MIER1: variants seen among roughly 807,000 people sequenced by gnomAD.
MIER1 encodes the protein MIER1 transcriptional regulator, also known as mesoderm induction early response protein 1.
MIER1 carries 40 observed loss-of-function variants against 75.7 expected under a neutral mutation model. The observed-to-expected ratio is 0.53, with a 90% confidence interval of 0.41 to 0.69. The LOEUF is 0.69. Among genes scored for constraint, MIER1 ranks in the 30% least tolerant of loss-of-function variants. The pLI, the probability that MIER1 is intolerant of heterozygous loss-of-function variation, is 0.00. For synonymous variants in MIER1, 213 were observed against 223.4 expected (o/e 0.95, Z 0.42); for missense variants, 574 against 680.2 (o/e 0.84, Z 1.74).
intron 3 of MIER1, among the ~76,000 whole-genome samples, chr1:66,940,497 ATATT>A (rs1570164298): frequency 6.6e-6 from 1 of 152,080 alleles, no homozygotes; most frequent in Admixed American, 6.5e-5. Flanking sequence ...CAACAAGTGA[ATATT>A]TAATGTAAAT....
chr1:66,986,808 G>T lies in MIER1; in HGVS notation c.*1908G>T. ...TTTATCCAGAATGGCAGTAGCTTTA[G>T]CAAGCAGATGGTCACAATCTGTTTT... On this transcript the variant is annotated 3_prime_UTR_variant, in exon 14 of 14. Coordinates refer to ENST00000401041, the MANE Select transcript of MIER1 (RefSeq NM_001077700.3). 5.1e-6 allele frequency: 1 copy of T among 194,520 alleles called. No individual in the cohort carries two copies. Among genetic ancestry groups the T allele is most frequent in the Non-Finnish European group, 1.0e-5 (1 of 95,914 alleles). The allele number at this position is 194,520 out of a possible 1,614,324, so 12.0% of individuals were successfully genotyped here.
At chr1:66,966,402 A>G (rs187802352) in intron 8 of MIER1, among the ~76,000 whole-genome samples, 2 of 152,292 alleles carry the variant, frequency 1.3e-5, no homozygotes, top group African/African-American at 4.8e-5. Context: ...TCCATGGTGT[A>G]TATGTGCCAC....
chr1:66,925,407 T>G, intron 1 of MIER1: 19 of 985,450 alleles, frequency 1.9e-5, no homozygotes, highest in Non-Finnish European at 2.3e-5. Context: ...CCCGTTCGCT[T>G]CGGTCCCTGA....
intron 4 of MIER1, among the ~76,000 whole-genome samples, chr1:66,956,484 T>C (rs910970181): frequency 1.6e-4 from 24 of 152,200 alleles, no homozygotes; most frequent in African/African-American, 5.1e-4. Context: ...AAGTTTTGTT[T>C]TAGTTCCTGA....
chr1:66,984,547 T>G (rs756729374), intron 13 of MIER1, 25 bp from the exon 14 acceptor site: 2 of 1,511,038 alleles, frequency 1.3e-6, no homozygotes, highest in Non-Finnish European at 1.8e-6. Flanking sequence ...TAATTGTGGT[T>G]TCATTTATAT....
In MIER1 at chr1:66,958,041, T is replaced by C. The variant is rs1162864338; in HGVS notation, c.340-18T>C. On this transcript the variant is annotated intron_variant, in intron 4 of 13. Coordinates refer to ENST00000401041, the MANE Select transcript of MIER1 (RefSeq NM_001077700.3). ...ATATCACTGATTCAGAGATTACCTT[T>C]TATTTTGATTTATTTAGGAAGGCGA... 2 of 1,516,848 alleles carry C rather than the reference T, an allele frequency of 1.3e-6. No homozygotes were observed. Among genetic ancestry groups the C allele is most frequent in the South Asian group, 1.3e-5 (1 of 77,292 alleles). The allele number at this position is 1,516,848 out of a possible 1,614,324, so 94.0% of individuals were successfully genotyped here. A position where few individuals can be genotyped will look rare whatever the true frequency, so the allele number is the denominator to read the frequency against.
chr1:66,929,241 C>G (rs560526252), intron 2 of MIER1: 3 of 365,320 alleles, frequency 8.2e-6, no homozygotes, highest in Non-Finnish European at 1.5e-5. Flanking sequence ...GAATAATTCT[C>G]GTATTTAAAT....
rs931738715 is a variant in MIER1 at position 66,985,815 on chromosome 1, T to A, written c.*915T>A. The stretch of plus-strand genomic sequence containing the variant: ...AAAGCATTCATAAAGGATTATAAAA[T>A]TTTTTTTTTTTTTTTTTTTTTTAAA... On this transcript the variant is annotated 3_prime_UTR_variant, in exon 14 of 14. Coordinates refer to ENST00000401041, the MANE Select transcript of MIER1 (RefSeq NM_001077700.3). 1 of 76,310 alleles carries A rather than the reference T, an allele frequency of 1.3e-5. No homozygotes were observed. The highest frequency in any genetic ancestry group is 3.0e-4 in the South Asian group (1 of 3,298). The allele number at this position is 76,310 out of a possible 1,614,324, so 4.7% of individuals were successfully genotyped here.
chr1:66,968,648 A>C (rs1476409192), intron 8 of MIER1, among the ~76,000 whole-genome samples: 1 of 152,180 alleles, frequency 6.6e-6, no homozygotes, highest in African/African-American at 2.4e-5. Flanking sequence ...TAGCACTCCT[A>C]ATTCAAACAG....
chr1:66,965,272 T>C (rs1220915908), intron 8 of MIER1, among the ~76,000 whole-genome samples: 1 of 152,194 alleles, frequency 6.6e-6, no homozygotes, highest in African/African-American at 2.4e-5. Context: ...GTTAGCAATG[T>C]TCACCATTGA....
Position 66,985,494 on chromosome 1 carries a change from T to C in MIER1, c.*594T>C. 1.0e-6 allele frequency: 1 copy of C among 982,900 alleles called. No homozygotes were observed. The highest frequency in any genetic ancestry group is 4.7e-5 in the South Asian group (1 of 21,248). 60.9% of individuals were successfully genotyped at this position (982,900 alleles called of 1,614,324 possible). ...CAGGTCAGGTTTGTATATGTAAAAT[T>C]GTTGACATCAATGATGTCTTTCCAT... On this transcript the variant is annotated 3_prime_UTR_variant, in exon 14 of 14. Transcript: ENST00000401041.
At chr1:66,960,871 A>G (rs1172921245) in intron 7 of MIER1, among the ~76,000 whole-genome samples, 1 of 152,148 alleles carries the variant, frequency 6.6e-6, no homozygotes, top group Admixed American at 6.5e-5. Context: ...TTAAGATGAA[A>G]AAAGCTAGAA....
intron 4 of MIER1, among the ~76,000 whole-genome samples, chr1:66,957,587 G>GGTT (rs1660401822): frequency 1.0e-5 from 1 of 99,268 alleles, no homozygotes; most frequent in Non-Finnish European, 2.1e-5. Context: ...GTTTGTTTGT[G>GGTT]TTTTTTTTTT....
rs113559232 is a variant in MIER1 at position 66,982,506 on chromosome 1, C to A, written c.1369+588C>A. Reference sequence around the variant, plus strand: ...TTTCCGTTTAAAATATACAGTGGACCAGAGATCACTGTGCTGATCAGTAGT... The same window carrying A: ...TTTCCGTTTAAAATATACAGTGGACAAGAGATCACTGTGCTGATCAGTAGT... On this transcript the variant is annotated intron_variant, in intron 13 of 13. Coordinates refer to ENST00000401041, the MANE Select transcript of MIER1 (RefSeq NM_001077700.3). 2.3e-3 allele frequency among the ~76,000 whole-genome samples: 350 copies of A among 152,190 alleles called. 6 individuals are homozygous for A. Among genetic ancestry groups the A allele is most frequent in the African/African-American group, 8.0e-3 (330 of 41,504 alleles).
intron 4 of MIER1, among the ~76,000 whole-genome samples, chr1:66,949,292 TA>T (rs1375153083): frequency 6.6e-6 from 1 of 152,208 alleles, no homozygotes; most frequent in Non-Finnish European, 1.5e-5. Context: ...GAAAATGAGA[TA>T]TTTATTACAT....
chr1:66,940,098 T>A, intron 3 of MIER1, 46 bp downstream of exon 3: 1 of 1,430,072 alleles, frequency 7.0e-7, no homozygotes, highest in Non-Finnish European at 9.9e-7. Flanking sequence ...GAGTAACATT[T>A]GTCCTACTAG....
intron 13 of MIER1, among the ~76,000 whole-genome samples, chr1:66,982,707 A>G (rs1666141539): frequency 6.6e-6 from 1 of 152,248 alleles, no homozygotes; most frequent in South Asian, 2.1e-4. Context: ...AAACACTGTG[A>G]AAGCCTTGAT....
intron 8 of MIER1, among the ~76,000 whole-genome samples, chr1:66,967,578 C>A (rs1662679475): frequency 1.3e-5 from 2 of 150,376 alleles, no homozygotes; most frequent in Non-Finnish European, 2.9e-5. Context: ...CTGTAGATTG[C>A]TTTTGGTAGC....
At chr1:66,979,426 T>G (rs974805055) in intron 12 of MIER1, among the ~76,000 whole-genome samples, 19 of 152,224 alleles carry the variant, frequency 1.2e-4, no homozygotes, top group African/African-American at 4.3e-4. Context: ...TTTCCCCTTT[T>G]CTGCCTACAA....
Sources: allele counts gnomAD v4.1 joint callset (sites outside exome capture counted in the v4.1 genomes callset), GRCh38; gene constraint gnomAD v4.1.1; transcripts MANE v1.5; gene names NCBI Gene and HGNC (gene_info 2026-07-23, HGNC 2026-07-21).